The following THOC2 variants were observed in gnomAD, a reference collection of about 807,000 sequenced individuals.
THOC2 encodes THO complex subunit 2.
THOC2 carries 10 observed loss-of-function variants against 128.4 expected under a neutral mutation model. The ratio of observed to expected loss-of-function variants is 0.08; its 90% CI spans 0.05 to 0.13. THOC2 has a LOEUF of 0.13. THOC2 is among the 10% of genes least tolerant of loss of function. The pLI is 1.00. For missense variants in THOC2, 535 were observed against 1,155.7 expected (o/e 0.46, Z 7.79); for synonymous variants, 393 against 396.9 (o/e 0.99, Z 0.12).
chrX:123,694,971 T>C (rs747667387), intron 7 of THOC2, among the ~76,000 whole-genome samples: 2 of 112,156 alleles, frequency 1.8e-5, no homozygotes, highest in Non-Finnish European at 3.8e-5. Context: ...AAAAAATAAA[T>C]AAACAAAAAT....
chrX:123,656,715 A>C (rs1336551382), intron 12 of THOC2, among the ~76,000 whole-genome samples: 2 of 110,649 alleles, frequency 1.8e-5, no homozygotes, highest in African/African-American at 6.6e-5. Flanking sequence ...GTCTCAAAAA[A>C]ACAAAGGCGG....
chrX:123,615,080 T>A (rs955806187), intron 33 of THOC2, among the ~76,000 whole-genome samples: 3 of 111,592 alleles, frequency 2.7e-5, no homozygotes, highest in African/African-American at 9.7e-5. Flanking sequence ...ATACCTAACC[T>A]TACGGCATTT....
At chrX:123,684,081 C>T (rs7890027) in intron 8 of THOC2, among the ~76,000 whole-genome samples, 1,974 of 110,943 alleles carry the variant, frequency 0.018, 48 homozygotes, top group African/African-American at 0.061. Flanking sequence ...TTGACCCCCC[C>T]GGGTATATTT....
intron 4 of THOC2, among the ~76,000 whole-genome samples, chrX:123,701,217 G>A (rs953035482): frequency 1.9e-4 from 21 of 111,754 alleles, no homozygotes; most frequent in African/African-American, 5.2e-4. Context: ...TTAGCCAGGC[G>A]TGGTGGCACG....
intron 8 of THOC2, among the ~76,000 whole-genome samples, chrX:123,677,699 T>C (rs1474038201): frequency 2.7e-5 from 3 of 109,123 alleles, no homozygotes; most frequent in South Asian, 4.0e-4. Flanking sequence ...TGAAACTCCA[T>C]CTCTACTAAA....
At chrX:123,727,213 A>C (rs1271972751) in intron 1 of THOC2, among the ~76,000 whole-genome samples, 7 of 110,403 alleles carry the variant, frequency 6.3e-5, no homozygotes, top group Non-Finnish European at 1.1e-4. Context: ...ACCCTGTCTC[A>C]AAAAAAACTT....
At chrX:123,711,203 T>G (rs1484569617) in intron 2 of THOC2, among the ~76,000 whole-genome samples, 1 of 102,651 alleles carries the variant, frequency 9.7e-6, no homozygotes, top group African/African-American at 3.5e-5. Context: ...TTGTTTTTGT[T>G]TTTTTTTTGG....
At chrX:123,732,840 C>CG in intron 1 of THOC2, 112 bp downstream of exon 1, 1 of 854,154 alleles carries the variant, frequency 1.2e-6, no homozygotes. Context: ...GCCCGCCGCC[C>CG]GGGTGGGGGA....
intron 7 of THOC2, among the ~76,000 whole-genome samples, chrX:123,693,007 G>A (rs1365554439): frequency 9.0e-6 from 1 of 111,642 alleles, no homozygotes; most frequent in African/African-American, 3.3e-5. Context: ...ATCCAAAGAG[G>A]CCATGAAAAA....
intron 22 of THOC2, among the ~76,000 whole-genome samples, chrX:123,628,865 G>A (rs1175415438): frequency 9.0e-6 from 1 of 110,512 alleles, no homozygotes; most frequent in East Asian, 2.8e-4. Context: ...CTAAAACTGG[G>A]AACATCCCAG....
intron 12 of THOC2, among the ~76,000 whole-genome samples, chrX:123,650,195 T>A (rs953225245): frequency 1.8e-5 from 2 of 111,694 alleles, no homozygotes; most frequent in African/African-American, 6.5e-5. Flanking sequence ...GAATTTCATA[T>A]CCAGCCAAAC....
chrX:123,601,467 A>G (rs1258787714), intron 38 of THOC2, 129 bp from the exon 39 acceptor site: 1 of 87,400 alleles, frequency 1.1e-5, no homozygotes, highest in Non-Finnish European at 2.3e-5. Context: ...AGGAGAATGA[A>G]AGGAGGAGGG....
At chrX:123,663,772 C>T (rs189449180) in intron 12 of THOC2, among the ~76,000 whole-genome samples, 170 of 110,455 alleles carry the variant, frequency 1.5e-3, no homozygotes, top group African/African-American at 5.4e-3. Context: ...CCTCCCCTCT[C>T]CCCACACCCC....
At chrX:123,655,479 AT>A (rs781531924) in intron 12 of THOC2, among the ~76,000 whole-genome samples, 1 of 111,948 alleles carries the variant, frequency 8.9e-6, no homozygotes, top group Non-Finnish European at 1.9e-5. Flanking sequence ...ATTATGAAAA[AT>A]TTCAAATTAC....
chrX:123,699,476 A>G (rs2050601577), intron 4 of THOC2, among the ~76,000 whole-genome samples: 1 of 111,710 alleles, frequency 9.0e-6, no homozygotes, highest in Non-Finnish European at 1.9e-5. Context: ...TGTGTATCTC[A>G]CCAATCCTTT....
intron 33 of THOC2, among the ~76,000 whole-genome samples, chrX:123,617,081 C>T (rs2046923477): frequency 9.0e-6 from 1 of 110,854 alleles, no homozygotes; most frequent in South Asian, 3.8e-4. Context: ...TTGGAGATCA[C>T]TCAAAGTCCA....
chrX:123,624,030 T>A, intron 27 of THOC2, 30 bp downstream of exon 27: 1 of 1,181,746 alleles, frequency 8.5e-7, no homozygotes, highest in South Asian at 1.9e-5. Flanking sequence ...GAGAAAAATT[T>A]GCCTTTGAAA....
At chrX:123,673,014 G>A (rs894085724) in intron 8 of THOC2, among the ~76,000 whole-genome samples, 1 of 112,437 alleles carries the variant, frequency 8.9e-6, no homozygotes, top group Non-Finnish European at 1.9e-5. Context: ...CAGATGAGAT[G>A]TCTTCAATGT....
intron 7 of THOC2, among the ~76,000 whole-genome samples, chrX:123,692,553 G>A (rs1367060708): frequency 1.1e-5 from 1 of 94,855 alleles, no homozygotes; most frequent in Non-Finnish European, 2.0e-5. Flanking sequence ...CCAGGCTGGA[G>A]TGCAGTGGCA....
Sources: gnomAD v4.1 joint callset for allele counts (sites outside exome capture counted in the v4.1 genomes callset) on GRCh38, gnomAD v4.1.1 for gene constraint, MANE v1.5 for transcripts, NCBI Gene and HGNC (gene_info 2026-07-23, HGNC 2026-07-21) for gene names.